OR7A5: variants seen among roughly 807,000 people sequenced by gnomAD.
OR7A5 encodes the protein olfactory receptor 7A5.
For synonymous variants in OR7A5, 140 were observed against 146.7 expected (o/e 0.95, Z 0.33); for missense variants, 319 against 377.9 (o/e 0.84, Z 1.29).
chr19:14,833,149 A>G (rs1418289422), intron 1 of OR7A5, among the ~76,000 whole-genome samples: 1 of 152,178 alleles, frequency 6.6e-6, no homozygotes, highest in Non-Finnish European at 1.5e-5. Context: ...TTGGTCACCT[A>G]CCTCACACAT....
chr19:14,834,660 G>GA (rs59339517), intron 1 of OR7A5, among the ~76,000 whole-genome samples: 18,386 of 152,164 alleles, frequency 0.12, 1,243 homozygotes, highest in East Asian at 0.23. Flanking sequence ...CACGGGCATA[G>GA]AATCAAACTG....
Position 14,827,293 on chromosome 19 carries a change from T to A in OR7A5, c.949A>T (p.Lys317Ter), listed in dbSNP as rs774787557. The change falls in exon 2 of 2, where the codon AAG (lysine) becomes TAG (stop). Residue 317 changes from lysine to a stop codon, truncating the protein, a stop_gained. Transcript: ENST00000322301. LOFTEE classifies it high-confidence loss of function. ...TTAGAGCCCTGCAATCATGGGCACT[T>A]CTTGAAAAATTGCCCTTTCATTGTT... ...WGTMKGQFFK[K>*]CP 6.5e-7 allele frequency: 1 copy of A among 1,549,172 alleles called. No homozygotes were observed. The highest frequency in any genetic ancestry group is 2.0e-5 in the Admixed American group (1 of 48,866).
rs1188228197 is a variant in OR7A5 at position 14,827,586 on chromosome 19, G to C, written c.656C>G (p.Ser219Cys). The change falls in exon 2 of 2, where the codon TCT becomes TGT. Residue 219 changes from serine (S) to cysteine (C), a missense_variant. By Grantham distance (112) the Ser-to-Cys change is moderately radical. Transcript: ENST00000322301. ...TGCATGTATGGAAGAAATTATCTTAGAGTAAGAGTAAAGGATCCCAGTCAG... is the reference window on the plus strand; with the variant it reads ...TGCATGTATGGAAGAAATTATCTTACAGTAAGAGTAAAGGATCCCAGTCAG... ...GPLTGILYSY[S>C]KIISSIHAIS... The C allele has an allele frequency of 6.2e-7, 1 of 1,614,148 alleles. No homozygotes were observed. The highest frequency in any genetic ancestry group is 8.5e-7 in the Non-Finnish European group (1 of 1,180,024).
At chr19:14,829,414 G>C (rs915953177) in intron 1 of OR7A5, among the ~76,000 whole-genome samples, 6 of 152,166 alleles carry the variant, frequency 3.9e-5, no homozygotes, top group Non-Finnish European at 8.8e-5. Context: ...TGTTGGTCAG[G>C]CTGGTCTTGA....
At position 14,828,293 on chromosome 19, in the gene OR7A5, G is replaced by A. The variant is rs118148336; in HGVS notation, c.-13-39C>T. The A allele has an allele frequency of 2.5e-4, 389 of 1,537,866 alleles. 1 individual carries two copies. The East Asian group carries it at 8.3e-3, about 33-fold the overall frequency. On this transcript the variant is annotated intron_variant, in intron 1 of 1. Coordinates refer to ENST00000322301, the MANE Select transcript of OR7A5 (RefSeq NM_017506.2). Reference sequence around the variant, plus strand: ...AGAGAGAAAGAGGGAAACGAGACAGGCATGCATTGCTAACCTTTCAGAAAT... The same window carrying A: ...AGAGAGAAAGAGGGAAACGAGACAGACATGCATTGCTAACCTTTCAGAAAT...
In OR7A5 at chr19:14,826,288, G is replaced by A. The variant is rs556247889; in HGVS notation, c.*994C>T. 8.5e-5 allele frequency: 13 copies of A among 152,260 alleles called. No individual in the cohort carries two copies. The highest frequency in any genetic ancestry group is 2.9e-4 in the African/African-American group (12 of 41,544). 9.4% of individuals were successfully genotyped at this position (152,260 alleles called of 1,614,324 possible). The stretch of plus-strand genomic sequence containing the variant: ...TCATGAGTATTTAAGAGAATTTAGA[G>A]CATAAAAGAGATGAATAAATTGATG... On this transcript the variant is annotated 3_prime_UTR_variant, in exon 2 of 2. Coordinates refer to ENST00000322301, the MANE Select transcript of OR7A5 (RefSeq NM_017506.2).
Position 14,827,086 on chromosome 19 carries a change from A to C in OR7A5, c.*196T>G, listed in dbSNP as rs1671407546. The C allele has an allele frequency of 2.1e-6, 1 of 465,800 alleles. No individual in the cohort carries two copies. Among genetic ancestry groups the C allele is most frequent in the African/African-American group, 2.0e-5 (1 of 49,610 alleles). 28.9% of individuals were successfully genotyped at this position (465,800 alleles called of 1,614,324 possible). On this transcript the variant is annotated 3_prime_UTR_variant, in exon 2 of 2. Coordinates refer to ENST00000322301, the MANE Select transcript of OR7A5 (RefSeq NM_017506.2). The stretch of plus-strand genomic sequence containing the variant: ...ACCTTGAGAAAGTAGGAAAACAACA[A>C]AGAGAAAAAACTGTTGGATATCAGA...
intron 1 of OR7A5, among the ~76,000 whole-genome samples, chr19:14,833,081 G>A (rs1806102792): frequency 6.6e-6 from 1 of 152,174 alleles, no homozygotes; most frequent in African/African-American, 2.4e-5. Context: ...TAGTTAGAAA[G>A]GATTGGATAT....
intron 1 of OR7A5, among the ~76,000 whole-genome samples, chr19:14,832,775 A>G (rs950718208): frequency 2.0e-5 from 3 of 152,206 alleles, no homozygotes; most frequent in African/African-American, 7.2e-5. Context: ...TATTAAAAAA[A>G]GAATTATAAA....
chr19:14,834,397 A>T (rs1438108129), intron 1 of OR7A5, among the ~76,000 whole-genome samples: 21 of 152,354 alleles, frequency 1.4e-4, no homozygotes, highest in Non-Finnish European at 1.5e-5. Flanking sequence ...ACTCTCTTTG[A>T]TAAAGTCTAT....
At chr19:14,829,660 G>C (rs746652834) in intron 1 of OR7A5, among the ~76,000 whole-genome samples, 21 of 152,224 alleles carry the variant, frequency 1.4e-4, no homozygotes, top group Non-Finnish European at 2.8e-4. Context: ...CATCTGTCTA[G>C]ATGCTGTTGC....
At position 14,827,221 on chromosome 19, in the gene OR7A5, C is replaced by T; in HGVS notation, c.*61G>A. The T allele has an allele frequency of 6.8e-7, 1 of 1,462,998 alleles. No individual in the cohort carries two copies. The highest frequency in any genetic ancestry group is 9.1e-7 in the Non-Finnish European group (1 of 1,102,052). The allele number at this position is 1,462,998 out of a possible 1,614,324, so 90.6% of individuals were successfully genotyped here. A position where few individuals can be genotyped will look rare whatever the true frequency, so the allele number is the denominator to read the frequency against. Reference sequence around the variant, plus strand: ...TAAGTATTAATAGAAGGAGCAAGTTCTATTTCCACTATCTGATTGAAGAAT... The same window carrying T: ...TAAGTATTAATAGAAGGAGCAAGTTTTATTTCCACTATCTGATTGAAGAAT... On this transcript the variant is annotated 3_prime_UTR_variant, in exon 2 of 2. Transcript: ENST00000322301.
Position 14,828,256 on chromosome 19 carries a change from T to G in OR7A5, c.-13-2A>C, listed in dbSNP as rs775922417. ...CCTGGTTCCATTTGATTGAAGTGACTATCAGAGAGAGAGAGAGAAAGAGGG... is the reference window on the plus strand; with the variant it reads ...CCTGGTTCCATTTGATTGAAGTGACGATCAGAGAGAGAGAGAGAAAGAGGG... On this transcript the variant is annotated splice_acceptor_variant, in intron 1 of 1. Coordinates refer to ENST00000322301, the MANE Select transcript of OR7A5 (RefSeq NM_017506.2). LOFTEE classifies it low-confidence loss of function (5UTR_SPLICE). 1 of 1,595,360 alleles carries G rather than the reference T, an allele frequency of 6.3e-7. No homozygotes were observed. The highest frequency in any genetic ancestry group is 8.6e-7 in the Non-Finnish European group (1 of 1,168,936).
intron 1 of OR7A5, among the ~76,000 whole-genome samples, chr19:14,829,307 G>C (rs1274633993): frequency 6.6e-6 from 1 of 152,184 alleles, no homozygotes; most frequent in Non-Finnish European, 1.5e-5. Flanking sequence ...AGGTTCAAGC[G>C]ATTCTCCTGC....
rs2044785066 is a variant in OR7A5, at chr19:14,827,706, C to T, written c.536G>A (p.Cys179Tyr). ...AAGTTGGATGACCTGATTAAGTTCA[C>T]AGAAAAAGTGGGGGATTTCTAAGGC... ...CTALEIPHFFCELNQVIQLAC... is the reference protein window; with the variant it reads ...CTALEIPHFFYELNQVIQLAC... The change falls in exon 2 of 2, where the codon TGT becomes TAT. Residue 179 changes from cysteine (C) to tyrosine (Y), a missense_variant. By Grantham distance (194) the Cys-to-Tyr change is radical (BLOSUM62 -2). Coordinates refer to ENST00000322301, the MANE Select transcript of OR7A5 (RefSeq NM_017506.2). The T allele has an allele frequency of 2.5e-6, 4 of 1,614,000 alleles. No individual in the cohort carries two copies. Among genetic ancestry groups the T allele is most frequent in the Admixed American group, 3.3e-5 (2 of 59,986 alleles).
Position 14,827,316 on chromosome 19 carries a change from G to T in OR7A5, c.926C>A (p.Thr309Lys). Residue 309 changes from threonine (T) to lysine (K), a missense_variant, in exon 2 of 2, where the codon ACA becomes AAA. Transcript: ENST00000322301. ...CTTCTTGAAAAATTGCCCTTTCATT[G>T]TTCCCCACAACAAATGTATTCCCAG... ...RALGIHLLWG[T>K]MKGQFFKKCP The T allele has an allele frequency of 6.4e-7, 1 of 1,565,950 alleles. No individual in the cohort carries two copies. The highest frequency in any genetic ancestry group is 2.2e-5 in the East Asian group (1 of 44,634).
chr19:14,827,915 T>C lies in OR7A5; in HGVS notation c.327A>G (p.Gly109=). The C allele has an allele frequency of 6.2e-7, 1 of 1,614,172 alleles. No individual in the cohort carries two copies. The highest frequency in any genetic ancestry group is 8.5e-7 in the Non-Finnish European group (1 of 1,180,026). The change falls in exon 2 of 2, where the codon GGA becomes GGG. Residue 109 remains glycine (G), a synonymous_variant. Coordinates refer to ENST00000322301, the MANE Select transcript of OR7A5 (RefSeq NM_017506.2). ...MQMYFFILFA[G]FENFLLSVMA... Reference sequence around the variant, plus strand: ...TCACGGACAGGAGGAAGTTTTCAAATCCAGCAAAGAGTATGAAAAAATACA... The same window carrying C: ...TCACGGACAGGAGGAAGTTTTCAAACCCAGCAAAGAGTATGAAAAAATACA...
intron 1 of OR7A5, among the ~76,000 whole-genome samples, chr19:14,829,512 T>A (rs1442549576): frequency 1.3e-5 from 2 of 152,160 alleles, no homozygotes; most frequent in African/African-American, 2.4e-5. Context: ...TGGGACGTGC[T>A]TCTTTCAGAT....
intron 1 of OR7A5, among the ~76,000 whole-genome samples, chr19:14,831,251 A>G (rs1270723129): frequency 6.6e-6 from 1 of 152,214 alleles, no homozygotes; most frequent in East Asian, 1.9e-4. Flanking sequence ...ATAAGCCAAC[A>G]ATTCACAAAA....
Sources: gnomAD v4.1 joint callset for allele counts (sites outside exome capture counted in the v4.1 genomes callset) on GRCh38, gnomAD v4.1.1 for gene constraint, MANE v1.5 for transcripts, NCBI Gene and HGNC (gene_info 2026-07-23, HGNC 2026-07-21) for gene names.